The following DUSP5 variants were observed in gnomAD, a reference collection of about 807,000 sequenced individuals.
DUSP5 encodes the protein dual specificity phosphatase 5.
DUSP5 carries 22 observed loss-of-function variants against 33.6 expected under a neutral mutation model. The ratio of observed to expected loss-of-function variants is 0.66; its 90% CI spans 0.47 to 0.94. The LOEUF (loss-of-function observed/expected upper bound fraction) is 0.94, where lower values mean the gene tolerates loss of function less well. DUSP5 is among the 40% of genes least tolerant of loss of function. The pLI is 0.00. For synonymous variants in DUSP5, 270 were observed against 231.1 expected (o/e 1.17, Z -1.53); for missense variants, 551 against 522.1 (o/e 1.06, Z -0.54).
chr10:110,502,870 G>A lies in DUSP5; in HGVS notation c.528+1G>A, dbSNP rs765122860. 3.1e-6 allele frequency: 5 copies of A among 1,614,022 alleles called. No homozygotes were observed. Among genetic ancestry groups the A allele is most frequent in the Admixed American group, 1.7e-5 (1 of 59,998 alleles). ...CAGCTACAGGCCAGCTTATGACCAG[G>A]TACGTGATGTGATGGGGAAGAGGTA... On this transcript the variant is annotated splice_donor_variant, in intron 2 of 3. Transcript: ENST00000369583. LOFTEE classifies it high-confidence loss of function.
At chr10:110,507,787 C>G (rs897261136) in intron 3 of DUSP5, among the ~76,000 whole-genome samples, 1 of 152,216 alleles carries the variant, frequency 6.6e-6, no homozygotes, top group Non-Finnish European at 1.5e-5. Context: ...GGCCTCTGGT[C>G]CCTCTGCCAG....
Position 110,498,235 on chromosome 10 carries a change from C to A in DUSP5, c.114C>A (p.Asn38Lys), listed in dbSNP as rs758914707. The change falls in exon 1 of 4, where the codon AAC becomes AAA. Residue 38 changes from asparagine to lysine, a missense_variant. Asn to Lys is a moderately conservative substitution (Grantham distance 94). Around this residue, in one of 3 missense-constraint regions of DUSP5, gnomAD observed 381 missense variants for 310.4 expected, o/e 1.23. Transcript: ENST00000369583. Reference sequence around the variant, plus strand: ...CCTATCTGGCCTTCGCTGCCTCGAACGTGCGCGGCTCGCTCAACGTCAACC... The same window carrying A: ...CCTATCTGGCCTTCGCTGCCTCGAAAGTGCGCGGCTCGCTCAACGTCAACC... ...CRPYLAFAAS[N>K]VRGSLNVNLN... is the part of the protein sequence containing the mutation. 3.3e-6 allele frequency: 5 copies of A among 1,508,684 alleles called. No homozygotes were observed. The highest frequency in any genetic ancestry group is 1.8e-4 in the Middle Eastern group (1 of 5,698). 93.5% of individuals were successfully genotyped at this position (1,508,684 alleles called of 1,614,324 possible).
chr10:110,506,995 T>C lies in DUSP5; in HGVS notation c.589T>C (p.Cys197Arg). 1.9e-6 allele frequency: 3 copies of C among 1,614,284 alleles called. No homozygotes were observed. Among genetic ancestry groups the C allele is most frequent in the Non-Finnish European group, 2.5e-6 (3 of 1,180,052 alleles). ...TGGAAGTGCCTACCATGCATCCAAG[T>C]GCGAGTTCCTCGCCAACCTGCACAT... ...YLGSAYHASKCEFLANLHITA... is the reference protein window; with the variant it reads ...YLGSAYHASKREFLANLHITA... The change falls in exon 3 of 4, where the codon TGC becomes CGC. Residue 197 changes from cysteine (C) to arginine (R), a missense_variant. By Grantham distance (180) the Cys-to-Arg change is radical (BLOSUM62 -3). Around this residue, in one of 3 missense-constraint regions of DUSP5, gnomAD observed 381 missense variants for 310.4 expected, o/e 1.23. Transcript: ENST00000369583.
At chr10:110,508,394 A>G (rs1860145492) in intron 3 of DUSP5, among the ~76,000 whole-genome samples, 2 of 152,066 alleles carry the variant, frequency 1.3e-5, no homozygotes, top group African/African-American at 4.8e-5. Context: ...GCCCCCATCC[A>G]GTTCTCAGAA....
At chr10:110,509,910 C>T (rs1860165312) in intron 3 of DUSP5, 110 bp from the exon 4 acceptor site, 1 of 1,416,888 alleles carries the variant, frequency 7.1e-7, no homozygotes, top group African/African-American at 1.4e-5. Flanking sequence ...GGCTCTTAGG[C>T]AGGCACAACA....
At chr10:110,507,676 C>G (rs1053565234) in intron 3 of DUSP5, among the ~76,000 whole-genome samples, 3 of 152,228 alleles carry the variant, frequency 2.0e-5, no homozygotes, top group Non-Finnish European at 4.4e-5. Flanking sequence ...GACTCAAGCT[C>G]CATGCTGTAT....
intron 3 of DUSP5, among the ~76,000 whole-genome samples, chr10:110,508,779 A>G (rs1860150722): frequency 6.6e-6 from 1 of 152,206 alleles, no homozygotes; most frequent in African/African-American, 2.4e-5. Context: ...GAACTAATTT[A>G]AAGAGACTGT....
chr10:110,502,490 T>G (rs1209713723), intron 1 of DUSP5, among the ~76,000 whole-genome samples: 1 of 152,246 alleles, frequency 6.6e-6, no homozygotes, highest in Non-Finnish European at 1.5e-5. Flanking sequence ...CACAAAAAGT[T>G]AATCATTGCC....
intron 3 of DUSP5, among the ~76,000 whole-genome samples, chr10:110,509,751 T>C (rs1245968480): frequency 1.4e-4 from 22 of 152,230 alleles, no homozygotes; most frequent in Non-Finnish European, 4.4e-5. Context: ...TCTTGGGAAC[T>C]GTAAAGCTTC....
chr10:110,498,925 C>T (rs867225254), intron 1 of DUSP5, among the ~76,000 whole-genome samples: 1 of 152,166 alleles, frequency 6.6e-6, no homozygotes, highest in Non-Finnish European at 1.5e-5. Context: ...GGTGTGGCGC[C>T]GTGGTGCCCC....
chr10:110,500,429 C>T (rs773928119), intron 1 of DUSP5, among the ~76,000 whole-genome samples: 19 of 152,226 alleles, frequency 1.2e-4, no homozygotes, highest in Non-Finnish European at 2.5e-4. Context: ...TGCTTCATGC[C>T]TACCCTTATA....
At position 110,498,158 on chromosome 10, in the gene DUSP5, A is replaced by G; in HGVS notation, c.37A>G (p.Lys13Glu). The G allele has an allele frequency of 1.4e-6, 2 of 1,477,438 alleles. No individual in the cohort carries two copies. Among genetic ancestry groups the G allele is most frequent in the Non-Finnish European group, 9.0e-7 (1 of 1,111,680 alleles). The allele number at this position is 1,477,438 out of a possible 1,614,324, so 91.5% of individuals were successfully genotyped here. The part of the protein sequence containing the change: ...VTSLDGRQLR[K>E]MLRKEAAARC... ...GTCGCTCGACGGGCGCCAGCTGCGC[A>G]AGATGCTCCGCAAGGAGGCGGCGGC... Residue 13 changes from lysine to glutamate, a missense_variant, in exon 1 of 4, where the codon AAG becomes GAG. This residue lies in a region of DUSP5 where 381 missense variants were observed against 310.4 expected (regional missense o/e 1.23). Coordinates refer to ENST00000369583, the MANE Select transcript of DUSP5 (RefSeq NM_004419.4).
In DUSP5 at chr10:110,510,464, C is replaced by T. The variant is rs1221609786; in HGVS notation, c.*38C>T. 1 of 1,499,358 alleles carries T rather than the reference C, an allele frequency of 6.7e-7. No homozygotes were observed. The highest frequency in any genetic ancestry group is 1.4e-5 in the African/African-American group (1 of 71,588). 92.9% of individuals were successfully genotyped at this position (1,499,358 alleles called of 1,614,324 possible). On this transcript the variant is annotated 3_prime_UTR_variant, in exon 4 of 4. Transcript: ENST00000369583. ...GGAATCGGCCCAGCCCCAAGAGCAA[C>T]TGTGATTTTTGTTTTTAAGACTCAT...
At chr10:110,509,451 C>T (rs913208294) in intron 3 of DUSP5, among the ~76,000 whole-genome samples, 14 of 152,322 alleles carry the variant, frequency 9.2e-5, no homozygotes, top group African/African-American at 3.4e-4. Context: ...GCATCCTGCC[C>T]TGGCACAGCC....
At chr10:110,499,483 G>T (rs1350764206) in intron 1 of DUSP5, among the ~76,000 whole-genome samples, 1 of 152,194 alleles carries the variant, frequency 6.6e-6, no homozygotes, top group Non-Finnish European at 1.5e-5. Context: ...GGCCGTGCCA[G>T]CCCTGGCGCG....
chr10:110,501,753 T>C (rs919763439), intron 1 of DUSP5, among the ~76,000 whole-genome samples: 9 of 152,176 alleles, frequency 5.9e-5, no homozygotes, highest in African/African-American at 2.2e-4. Context: ...GCTGGCCTGT[T>C]GCACCTGGCA....
At chr10:110,498,912 C>G (rs1407936710) in intron 1 of DUSP5, among the ~76,000 whole-genome samples, 1 of 152,168 alleles carries the variant, frequency 6.6e-6, no homozygotes, top group Non-Finnish European at 1.5e-5. Context: ...TCCACTCTCC[C>G]TTGGTGTGGC....
At chr10:110,509,795 G>GTA (rs1206322941) in intron 3 of DUSP5, among the ~76,000 whole-genome samples, 1 of 152,156 alleles carries the variant, frequency 6.6e-6, no homozygotes, top group Non-Finnish European at 1.5e-5. Flanking sequence ...AATAGCTGCT[G>GTA]TAAACTGTAA....
intron 3 of DUSP5, among the ~76,000 whole-genome samples, chr10:110,508,343 T>C (rs1860144720): frequency 6.6e-6 from 1 of 152,154 alleles, no homozygotes; most frequent in Admixed American, 6.5e-5. Context: ...CAGCCTGTTA[T>C]TTAATTACCT....
Sources: allele counts gnomAD v4.1 joint callset (sites outside exome capture counted in the v4.1 genomes callset), GRCh38; gene constraint gnomAD v4.1.1; regional missense constraint gnomAD v4.1.1; transcripts MANE v1.5; gene names NCBI Gene and HGNC (gene_info 2026-07-23, HGNC 2026-07-21).